RBM6: variants seen among roughly 807,000 people sequenced by gnomAD.
RBM6 encodes RNA binding motif protein 6.
A neutral mutation model predicts 140.4 loss-of-function variants in RBM6; 23 were observed. That is an observed-to-expected ratio of 0.16 (90% CI 0.12 to 0.23). The LOEUF (loss-of-function observed/expected upper bound fraction) is 0.23. RBM6 is among the 10% of genes least tolerant of loss of function. The pLI is 1.00. For missense variants in RBM6, 1,139 were observed against 1,386.7 expected, an observed-to-expected ratio of 0.82 and a Z score of 2.84; for synonymous variants, 439 against 475.6, an observed-to-expected ratio of 0.92 and a Z score of 1.00.
At chr3:50,065,609 A>C in intron 16 of RBM6, 1 of 457,114 alleles carries the variant, frequency 2.2e-6, no homozygotes, top group Non-Finnish European at 4.4e-6. Flanking sequence ...CAACCTAATC[A>C]CCAGTGATTC....
chr3:49,952,593 G>A (rs759684592), intron 1 of RBM6, among the ~76,000 whole-genome samples: 2 of 150,108 alleles, frequency 1.3e-5, no homozygotes, highest in Non-Finnish European at 3.0e-5. Context: ...TCTGTCTCCC[G>A]GGTTCAAGTG....
chr3:50,054,088 C>T, intron 7 of RBM6: 1 of 415,600 alleles, frequency 2.4e-6, no homozygotes, highest in Non-Finnish European at 4.3e-6. Context: ...AATCTTTATC[C>T]AGGGCAAAGG....
Position 50,065,091 on chromosome 3 carries a change from C to T in RBM6, c.2647C>T (p.Pro883Ser), listed in dbSNP as rs894694617. Reference sequence around the variant, plus strand: ...AGAAGACGTCTTTAAGAAGCCCCTGCCTCCTACTGTGAAGAAGGAAGAGAG... The same window carrying T: ...AGAAGACGTCTTTAAGAAGCCCCTGTCTCCTACTGTGAAGAAGGAAGAGAG... ...PAEDVFKKPL[P>S]PTVKKEESPP... Residue 883 changes from proline (P) to serine (S), a missense_variant, in exon 16 of 21, where the codon CCT (proline) becomes TCT (serine). Coordinates refer to ENST00000266022, the MANE Select transcript of RBM6 (RefSeq NM_005777.3). 1 of 1,613,708 alleles carries T rather than the reference C, an allele frequency of 6.2e-7. No homozygotes were observed. Among genetic ancestry groups the T allele is most frequent in the Non-Finnish European group, 8.5e-7 (1 of 1,179,704 alleles).
intron 6 of RBM6, among the ~76,000 whole-genome samples, chr3:50,004,130 TCTC>T (rs1476739904): frequency 5.9e-4 from 90 of 152,312 alleles, no homozygotes; most frequent in Middle Eastern, 3.4e-3. Context: ...CATTTTATGT[TCTC>T]AAGTATGCTG....
At chr3:49,941,921 T>A (rs535133659) in intron 1 of RBM6, among the ~76,000 whole-genome samples, 1 of 146,088 alleles carries the variant, frequency 6.8e-6, no homozygotes, top group Non-Finnish European at 1.5e-5. Flanking sequence ...CGCAAAACCC[T>A]GTCTCTACAA....
rs777552749 is a variant in RBM6, at chr3:50,061,515, T to C, written c.2407T>C (p.Leu803=). ...DSATGYYYDP[L]AGTYYDPNTQ... ...TGCTACTGGCTACTATTATGACCCC[T>C]TGGCAGGAACTTATTATGACCCCAA... The change falls in exon 14 of 21, where the codon TTG becomes CTG. Residue 803 remains leucine, a synonymous_variant. Coordinates refer to ENST00000266022, the MANE Select transcript of RBM6 (RefSeq NM_005777.3). 2.6e-5 allele frequency: 42 copies of C among 1,608,836 alleles called. No homozygotes were observed. Among genetic ancestry groups the C allele is most frequent in the Non-Finnish European group, 3.3e-5 (39 of 1,178,564 alleles).
At chr3:49,984,677 C>T (rs957069929) in intron 5 of RBM6, among the ~76,000 whole-genome samples, 1 of 151,810 alleles carries the variant, frequency 6.6e-6, no homozygotes, top group Non-Finnish European at 1.5e-5. Context: ...CATCACATCA[C>T]ATCACAACAT....
chr3:50,039,525 A>G (rs2108850395), intron 6 of RBM6, among the ~76,000 whole-genome samples: 1 of 142,200 alleles, frequency 7.0e-6, no homozygotes, highest in Middle Eastern at 3.8e-3. Context: ...TGCTGGGATT[A>G]CAGGCATGGG....
At chr3:49,985,051 A>G (rs1448181555) in intron 5 of RBM6, among the ~76,000 whole-genome samples, 2 of 152,202 alleles carry the variant, frequency 1.3e-5, no homozygotes, top group African/African-American at 4.8e-5. Flanking sequence ...TGGCTTCTAT[A>G]GTCCTCACTT....
chr3:50,018,581 GTTTTTTTTTTTT>G (rs58115280), intron 6 of RBM6, among the ~76,000 whole-genome samples: 12 of 63,556 alleles, frequency 1.9e-4, no homozygotes, highest in East Asian at 1.1e-3. Context: ...GTAGGAGTGT[GTTTTTTTTTTTT>G]TTTTTTTTTT....
intron 5 of RBM6, among the ~76,000 whole-genome samples, chr3:49,985,061 T>TA (rs2085497558): frequency 6.6e-6 from 1 of 152,220 alleles, no homozygotes; most frequent in Non-Finnish European, 1.5e-5. Context: ...AGTCCTCACT[T>TA]ACCTCTTTTG....
At chr3:50,013,953 A>G (rs1282888823) in intron 6 of RBM6, among the ~76,000 whole-genome samples, 4 of 152,272 alleles carry the variant, frequency 2.6e-5, no homozygotes, top group South Asian at 4.1e-4. Flanking sequence ...ACTGGTATCT[A>G]GTGAATAGAG....
At chr3:50,043,217 C>T (rs1046298400) in intron 6 of RBM6, among the ~76,000 whole-genome samples, 3 of 152,142 alleles carry the variant, frequency 2.0e-5, no homozygotes, top group Admixed American at 6.5e-5. Context: ...GGTGCAGTGG[C>T]TCATGCCTGT....
Position 50,070,613 on chromosome 3 carries a change from C to T in RBM6, c.3116+61C>T. ...AGCCTAATGATAAAACCACCTCCTC[C>T]TTCAACTGTACTGCTGTTTTCTGTC... On this transcript the variant is annotated intron_variant, in intron 19 of 20. Transcript: ENST00000266022. 9 of 1,180,458 alleles carry T rather than the reference C, an allele frequency of 7.6e-6. No homozygotes were observed. In the South Asian group the frequency reaches 1.1e-4, roughly 14 times the overall value. The allele number at this position is 1,180,458 out of a possible 1,614,324, so 73.1% of individuals were successfully genotyped here.
intron 16 of RBM6, 42 bp from the exon 17 acceptor site, chr3:50,066,200 A>T: frequency 1.3e-6 from 2 of 1,559,110 alleles, no homozygotes; most frequent in Non-Finnish European, 1.7e-6. Context: ...ACCCCAAAAT[A>T]TAGGTTGAAT....
At chr3:50,040,278 C>G (rs965091757) in intron 6 of RBM6, among the ~76,000 whole-genome samples, 2 of 151,576 alleles carry the variant, frequency 1.3e-5, no homozygotes, top group Admixed American at 6.6e-5. Context: ...AACCCCATCT[C>G]TACTAAAAAT....
intron 6 of RBM6, among the ~76,000 whole-genome samples, chr3:50,008,091 GTC>G (rs2086669897): frequency 6.6e-6 from 1 of 152,148 alleles, no homozygotes; most frequent in African/African-American, 2.4e-5. Flanking sequence ...ATGAGATGCT[GTC>G]TCTCAAAGCA....
intron 5 of RBM6, among the ~76,000 whole-genome samples, chr3:49,977,739 G>A (rs1266491769): frequency 6.6e-6 from 1 of 152,204 alleles, no homozygotes; most frequent in Non-Finnish European, 1.5e-5. Flanking sequence ...TCACAGCAGT[G>A]CAGCTTAGGT....
intron 1 of RBM6, among the ~76,000 whole-genome samples, chr3:49,958,152 G>A (rs979365358): frequency 2.0e-5 from 3 of 152,184 alleles, no homozygotes; most frequent in Non-Finnish European, 4.4e-5. Flanking sequence ...TGGGCCGGGC[G>A]CAGTGGCTCA....
Sources: allele counts gnomAD v4.1 joint callset (sites outside exome capture counted in the v4.1 genomes callset), GRCh38; gene constraint gnomAD v4.1.1; transcripts MANE v1.5; gene names NCBI Gene and HGNC (gene_info 2026-07-23, HGNC 2026-07-21).